The following CNTN5 variants were observed in gnomAD, a reference collection of about 807,000 sequenced individuals.
CNTN5 encodes contactin 5, also known as contactin-5.
A neutral mutation model predicts 129.1 loss-of-function variants in CNTN5; 77 were observed. The observed-to-expected ratio is 0.60, with a 90% CI of 0.50 to 0.72. The LOEUF is 0.72. Ranked by LOEUF, CNTN5 falls within the 30% of genes least tolerant of loss-of-function variation. The pLI is 0.00. For synonymous variants in CNTN5, 509 were observed against 465.6 expected, an observed-to-expected ratio of 1.09 and a Z score of -1.20; for missense variants, 1,478 against 1,328.8, an observed-to-expected ratio of 1.11 and a Z score of -1.75.
chr11:99,090,713 G>A (rs1232731218), intron 1 of CNTN5, among the ~76,000 whole-genome samples: 2 of 140,520 alleles, frequency 1.4e-5, no homozygotes, highest in African/African-American at 5.2e-5. Context: ...GATGTATTGT[G>A]CTCACCAGAA....
intron 2 of CNTN5, among the ~76,000 whole-genome samples, chr11:99,512,391 T>C (rs12419909): frequency 0.02 from 3,109 of 152,242 alleles, 142 homozygotes; most frequent in East Asian, 0.13. Context: ...TTAAAGTATA[T>C]TTATGATGTT....
intron 3 of CNTN5, among the ~76,000 whole-genome samples, chr11:99,753,321 AC>A (rs1381687289): frequency 1.9e-4 from 28 of 150,896 alleles, no homozygotes; most frequent in Non-Finnish European, 1.5e-4. Flanking sequence ...ATGGGGTTTC[AC>A]CGTGTTAGCC....
intron 1 of CNTN5, among the ~76,000 whole-genome samples, chr11:99,065,410 A>G (rs12283627): frequency 0.31 from 47,171 of 152,026 alleles, 7,555 homozygotes; most frequent in South Asian, 0.39. Flanking sequence ...AGGAATGTAT[A>G]AGCACAGAAG....
At chr11:99,459,387 C>T (rs1944608465) in intron 2 of CNTN5, among the ~76,000 whole-genome samples, 1 of 151,828 alleles carries the variant, frequency 6.6e-6, no homozygotes. Context: ...GACTCTCTTC[C>T]CTAAATATTT....
rs543262756 is a variant in CNTN5, at chr11:99,961,214, A to AC, written c.877+4205_877+4206insC. The stretch of plus-strand genomic sequence containing the variant: ...AGTGAGACTCCGTCTCAGAAAAAAA[A>AC]AAAAAAAAAAACAGTAGAATATAGT... On this transcript the variant is annotated intron_variant, in intron 8 of 24. Transcript: ENST00000524871. Among the ~76,000 whole-genome samples, 81 of 143,732 alleles carry AC rather than the reference A, an allele frequency of 5.6e-4. 1 individual carries two copies. The South Asian group carries it at 6.2e-3, about 11-fold the overall frequency. The allele number at this position is 143,732 out of a possible 152,430, so 94.3% of individuals were successfully genotyped here.
intron 3 of CNTN5, among the ~76,000 whole-genome samples, chr11:99,704,193 C>T (rs990375866): frequency 1.3e-5 from 2 of 150,686 alleles, no homozygotes; most frequent in African/African-American, 4.9e-5. Flanking sequence ...TGCAACATTT[C>T]CAGAAGAGTC....
chr11:99,811,435 C>A (rs1459203252), intron 3 of CNTN5, among the ~76,000 whole-genome samples: 2 of 148,542 alleles, frequency 1.3e-5, no homozygotes, highest in Non-Finnish European at 3.0e-5. Flanking sequence ...ATATTCTAAT[C>A]CATTATTTTG....
intron 8 of CNTN5, among the ~76,000 whole-genome samples, chr11:99,999,913 A>G (rs1015725560): frequency 6.6e-5 from 10 of 151,942 alleles, no homozygotes; most frequent in Admixed American, 6.6e-4. Context: ...AAGGCCAAAA[A>G]ACCAAACACT....
chr11:100,271,559 A>C (rs1057292370), intron 18 of CNTN5, among the ~76,000 whole-genome samples: 108 of 151,344 alleles, frequency 7.1e-4, no homozygotes, highest in African/African-American at 1.9e-3. Context: ...TATAGCATAC[A>C]CTTAAGATTT....
chr11:99,371,596 T>A (rs954982679), intron 2 of CNTN5, among the ~76,000 whole-genome samples: 11 of 152,118 alleles, frequency 7.2e-5, no homozygotes, highest in African/African-American at 2.7e-4. Flanking sequence ...TTGATGGAGT[T>A]ACAGATTAAC....
chr11:100,266,674 G>C (rs1217490992), intron 17 of CNTN5, among the ~76,000 whole-genome samples: 1 of 147,380 alleles, frequency 6.8e-6, no homozygotes, highest in African/African-American at 2.5e-5. Flanking sequence ...GAAGGGTGGT[G>C]GAAAGGATAT....
intron 3 of CNTN5, among the ~76,000 whole-genome samples, chr11:99,708,506 C>T (rs1954844315): frequency 6.6e-6 from 1 of 151,588 alleles, no homozygotes; most frequent in Non-Finnish European, 1.5e-5. Flanking sequence ...CATTAACTTT[C>T]CCTTCTGTAC....
At chr11:99,143,714 C>A (rs971190300) in intron 1 of CNTN5, among the ~76,000 whole-genome samples, 2 of 152,130 alleles carry the variant, frequency 1.3e-5, no homozygotes, top group African/African-American at 2.4e-5. Context: ...TAGTAAAACA[C>A]CTCTAAAAAT....
At chr11:99,867,899 G>A (rs147685364) in intron 6 of CNTN5, among the ~76,000 whole-genome samples, 33 of 152,196 alleles carry the variant, frequency 2.2e-4, no homozygotes, top group African/African-American at 7.5e-4. Flanking sequence ...TGGTATACAA[G>A]AGACAAAAGG....
rs1948661211 is a variant in CNTN5 at position 99,556,273 on chromosome 11, A to G, written c.55+4A>G. ...TCAGTCACCATGTGTCTTTCAGGTA[A>G]AAGTCCTGATTAATTAATTATTTGA... is the stretch of plus-strand genomic sequence containing the variant. On this transcript the variant is annotated splice_donor_region_variant and intron_variant, in intron 3 of 24. Transcript: ENST00000524871. 1.3e-6 allele frequency: 2 copies of G among 1,514,990 alleles called. No individual in the cohort carries two copies. Among genetic ancestry groups the G allele is most frequent in the South Asian group, 1.3e-5 (1 of 79,190 alleles). The allele number at this position is 1,514,990 out of a possible 1,614,324, so 93.8% of individuals were successfully genotyped here. A position where few individuals can be genotyped will look rare whatever the true frequency, so the allele number is the denominator to read the frequency against.
At chr11:99,517,234 C>G (rs182408451) in intron 2 of CNTN5, among the ~76,000 whole-genome samples, 1 of 152,170 alleles carries the variant, frequency 6.6e-6, no homozygotes, top group East Asian at 1.9e-4. Flanking sequence ...CAAGCTCTAT[C>G]AAATTTCCTT....
intron 3 of CNTN5, among the ~76,000 whole-genome samples, chr11:99,743,663 A>G (rs530323484): frequency 6.6e-6 from 1 of 152,162 alleles, no homozygotes; most frequent in South Asian, 2.1e-4. Context: ...ATCCAGTCAT[A>G]CTTTACAGGG....
At chr11:100,223,896 C>T (rs1417167372) in intron 15 of CNTN5, among the ~76,000 whole-genome samples, 1 of 152,090 alleles carries the variant, frequency 6.6e-6, no homozygotes, top group Non-Finnish European at 1.5e-5. Context: ...TTAAAGACAA[C>T]ACTAAGTAAT....
chr11:99,379,270 A>C (rs929073612), intron 2 of CNTN5, among the ~76,000 whole-genome samples: 1 of 150,702 alleles, frequency 6.6e-6, no homozygotes, highest in African/African-American at 2.4e-5. Context: ...TAATTAATTA[A>C]TTATACGAAT....
Sources: allele counts gnomAD v4.1 joint callset (sites outside exome capture counted in the v4.1 genomes callset), GRCh38; gene constraint gnomAD v4.1.1; transcripts MANE v1.5; gene names NCBI Gene and HGNC (gene_info 2026-07-23, HGNC 2026-07-21).